EFCAB12: variants seen among roughly 807,000 people sequenced by gnomAD.
EFCAB12 encodes the protein EF-hand calcium-binding domain-containing protein 12.
In EFCAB12, 43 loss-of-function variants were observed where a neutral mutation model predicts 53.6. The observed-to-expected ratio is 0.80, with a 90% CI of 0.63 to 1.03. EFCAB12 has a LOEUF of 1.03. EFCAB12 is among the 50% of genes least tolerant of loss of function. The probability of loss-of-function intolerance (pLI) is 0.00; values close to 1 mark genes in which losing one functional copy is unlikely to be tolerated. For synonymous variants in EFCAB12, 269 were observed against 289.2 expected, an observed-to-expected ratio of 0.93 and a Z score of 0.71; for missense variants, 646 against 730.6, an observed-to-expected ratio of 0.88 and a Z score of 1.34.
intron 1 of EFCAB12, 80 bp downstream of exon 1, chr3:129,428,360 T>G: frequency 2.6e-6 from 4 of 1,542,768 alleles, no homozygotes; most frequent in African/African-American, 1.4e-5. Flanking sequence ...TATCTGTGGC[T>G]GAGTTTTTGC....
At chr3:129,425,155 C>T (rs187878819) in intron 1 of EFCAB12, among the ~76,000 whole-genome samples, 18 of 152,248 alleles carry the variant, frequency 1.2e-4, no homozygotes, top group East Asian at 1.2e-3. Flanking sequence ...CTGCAGGCCA[C>T]GGGAACACAA....
chr3:129,426,360 T>G (rs150490805), intron 1 of EFCAB12, among the ~76,000 whole-genome samples: 4,832 of 74,834 alleles, frequency 0.065, 242 homozygotes, highest in South Asian at 0.21. Flanking sequence ...TTTTTTTTTG[T>G]TTTTTTTTTT....
At chr3:129,421,920 C>G in intron 1 of EFCAB12, 117 bp from the exon 2 acceptor site, 3 of 1,010,014 alleles carry the variant, frequency 3.0e-6, no homozygotes, top group Non-Finnish European at 4.2e-6. Flanking sequence ...CCAGGCCAGG[C>G]TTTATCATTG....
At chr3:129,416,442 C>T (rs57138140) in intron 3 of EFCAB12, among the ~76,000 whole-genome samples, 9,721 of 151,822 alleles carry the variant, frequency 0.064, 940 homozygotes, top group East Asian at 0.44. Flanking sequence ...AACAAACAAA[C>T]AAACAAAAAA....
chr3:129,403,456 G>C (rs2071903064), intron 7 of EFCAB12: 1 of 152,278 alleles, frequency 6.6e-6, no homozygotes, highest in South Asian at 2.1e-4. Context: ...CCGAAGGCCT[G>C]TCTGATCTCT....
chr3:129,404,489 T>G (rs1263030137), intron 6 of EFCAB12, 86 bp from the exon 7 acceptor site: 3 of 1,376,248 alleles, frequency 2.2e-6, no homozygotes, highest in South Asian at 4.1e-5. Context: ...GAGGTGTTTT[T>G]TTTTTTTTTA....
chr3:129,415,214 G>A, intron 4 of EFCAB12, 31 bp downstream of exon 4: 1 of 1,557,736 alleles, frequency 6.4e-7, no homozygotes. Context: ...GGACGGGGAG[G>A]TGGAGGCACA....
Position 129,428,537 on chromosome 3 carries a change from C to T in EFCAB12, c.-49G>A. On this transcript the variant is annotated 5_prime_UTR_variant, in exon 1 of 9. Coordinates refer to ENST00000505956, the MANE Select transcript of EFCAB12 (RefSeq NM_207307.3). The stretch of plus-strand genomic sequence containing the variant: ...CTGAAGGGCGTGTGTGAATGTGTGT[C>T]GATGTGGGCTTGCTTGCGTAGGGGT... 2 of 1,595,248 alleles carry T rather than the reference C, an allele frequency of 1.3e-6. No homozygotes were observed. Among genetic ancestry groups the T allele is most frequent in the Non-Finnish European group, 1.7e-6 (2 of 1,169,676 alleles).
chr3:129,421,399 T>C lies in EFCAB12; in HGVS notation c.454A>G (p.Asn152Asp). The stretch of plus-strand genomic sequence containing the variant: ...GTCCTGGTAGTTGCCTGGGAGGCAT[T>C]TGGCTGGGCACTCTGCTCCTCGTGG... ...MIHEEQSAQP[N>D]ASQATTRTTR... The change falls in exon 2 of 9, where the codon AAT becomes GAT. Residue 152 changes from asparagine to aspartate, a missense_variant. Coordinates refer to ENST00000505956, the MANE Select transcript of EFCAB12 (RefSeq NM_207307.3). 1 of 1,609,444 alleles carries C rather than the reference T, an allele frequency of 6.2e-7. No individual in the cohort carries two copies. Among genetic ancestry groups the C allele is most frequent in the Non-Finnish European group, 8.5e-7 (1 of 1,176,206 alleles).
intron 4 of EFCAB12, 46 bp from the exon 5 acceptor site, chr3:129,411,400 GC>G: frequency 6.6e-7 from 1 of 1,515,526 alleles, no homozygotes. Flanking sequence ...CTAAGAGGGT[GC>G]CCAGCCACGG....
chr3:129,421,032 C>T (rs2072180848), intron 2 of EFCAB12, among the ~76,000 whole-genome samples: 1 of 152,250 alleles, frequency 6.6e-6, no homozygotes, highest in Non-Finnish European at 1.5e-5. Context: ...ATCCTTTTGC[C>T]CCAGTCAAGC....
chr3:129,413,413 C>T (rs781083215), intron 4 of EFCAB12: 1 of 151,946 alleles, frequency 6.6e-6, no homozygotes, highest in Non-Finnish European at 1.5e-5. Flanking sequence ...TGCCAAACTT[C>T]ACCCTCATAC....
At chr3:129,413,518 T>C (rs1356150695) in intron 4 of EFCAB12, 2 of 152,222 alleles carry the variant, frequency 1.3e-5, no homozygotes, top group Admixed American at 6.5e-5. Context: ...TTGGGGGATA[T>C]GCCTGCAGCT....
At position 129,417,334 on chromosome 3, in the gene EFCAB12, A is replaced by C. The variant is rs576822300; in HGVS notation, c.681+920T>G. Among the ~76,000 whole-genome samples, 1,020 of 135,666 alleles carry C rather than the reference A, an allele frequency of 7.5e-3. 24 individuals carry two copies. The highest frequency in any genetic ancestry group is 0.027 in the African/African-American group (862 of 31,972). 89.0% of individuals were successfully genotyped at this position (135,666 alleles called of 152,430 possible). On this transcript the variant is annotated intron_variant, in intron 3 of 8. Transcript: ENST00000505956. ...GTGAGACTCTGCCTCAAAAAAAAAA[A>C]AAAAACCAAAAAAAAAAAACCCAAA...
intron 1 of EFCAB12, among the ~76,000 whole-genome samples, chr3:129,423,806 C>A (rs9852734): frequency 0.017 from 2,552 of 152,238 alleles, 61 homozygotes; most frequent in African/African-American, 0.052. Context: ...CTACCAGCCT[C>A]TCCGATTTCT....
At chr3:129,422,659 C>A (rs1205754108) in intron 1 of EFCAB12, among the ~76,000 whole-genome samples, 2 of 152,056 alleles carry the variant, frequency 1.3e-5, no homozygotes, top group Admixed American at 6.6e-5. Flanking sequence ...CCACTTATCA[C>A]GACTGGGTAC....
chr3:129,421,903 C>G, intron 1 of EFCAB12, 100 bp from the exon 2 acceptor site: 1 of 1,179,190 alleles, frequency 8.5e-7, no homozygotes, highest in Non-Finnish European at 1.2e-6. Flanking sequence ...CAACAGGGCC[C>G]TGGATCCCAG....
chr3:129,401,669 TGGTCAGG>T lies in EFCAB12; in HGVS notation c.1636_1642del (p.Pro546ThrfsTer11). ...GTTCTTGTTCCTAAGGGGCCACCAG[TGGTCAGG>T]GTGGTAGGTGGCTGGGTAGACATGG... On this transcript the variant is annotated frameshift_variant, in exon 9 of 9. Coordinates refer to ENST00000505956, the MANE Select transcript of EFCAB12 (RefSeq NM_207307.3). LOFTEE classifies it low-confidence loss of function (END_TRUNC). 1 of 1,588,502 alleles carries T rather than the reference TGGTCAGG, an allele frequency of 6.3e-7. No homozygotes were observed. Among genetic ancestry groups the T allele is most frequent in the South Asian group, 1.1e-5 (1 of 87,226 alleles).
chr3:129,422,077 C>G (rs1242117577), intron 1 of EFCAB12, among the ~76,000 whole-genome samples: 1 of 152,158 alleles, frequency 6.6e-6, no homozygotes, highest in Non-Finnish European at 1.5e-5. Flanking sequence ...TCAGAATGAA[C>G]TTTTAAAGAT....
Sources: allele counts gnomAD v4.1 joint callset (sites outside exome capture counted in the v4.1 genomes callset), GRCh38; gene constraint gnomAD v4.1.1; transcripts MANE v1.5; gene names NCBI Gene and HGNC (gene_info 2026-07-23, HGNC 2026-07-21).